RAB11FIP5: variants seen among roughly 807,000 people sequenced by gnomAD.
RAB11FIP5 encodes the protein RAB11 family interacting protein 5.
In RAB11FIP5, 48 loss-of-function variants were observed where a neutral mutation model predicts 85.1. That is an observed-to-expected ratio of 0.56 (90% CI 0.45 to 0.72). The LOEUF (loss-of-function observed/expected upper bound fraction) is 0.72, where lower values mean the gene tolerates loss of function less well. Among genes scored for constraint, RAB11FIP5 ranks in the 30% least tolerant of loss-of-function variants. RAB11FIP5 has a pLI of 0.00. For synonymous variants in RAB11FIP5, 729 were observed against 727.3 expected (o/e 1.00, Z -0.04); for missense variants, 1,491 against 1,687.0 (o/e 0.88, Z 2.04).
At chr2:73,103,848 G>T (rs1021027711) in intron 1 of RAB11FIP5, among the ~76,000 whole-genome samples, 9 of 152,264 alleles carry the variant, frequency 5.9e-5, no homozygotes, top group African/African-American at 2.2e-4. Flanking sequence ...TCTCTCAGGG[G>T]ATCTCTGGCA....
intron 1 of RAB11FIP5, among the ~76,000 whole-genome samples, chr2:73,091,000 A>G (rs1056840244): frequency 3.9e-5 from 6 of 152,156 alleles, no homozygotes; most frequent in African/African-American, 1.4e-4. Flanking sequence ...GTAGATGGGA[A>G]CTCTCTATAC....
At position 73,073,420 on chromosome 2, in the gene RAB11FIP5, AAACATGAAG is replaced by A. The variant is rs1393219457; in HGVS notation, c.*2092_*2100del. ...TGTTTTATTCTTCATAAAGTGCTTA[AAACATGAAG>A]AACAAGCTCTTTATAAAGAGCCTTA... On this transcript the variant is annotated 3_prime_UTR_variant, in exon 6 of 6. Coordinates refer to ENST00000486777, the MANE Select transcript of RAB11FIP5 (RefSeq NM_001371272.1). The A allele has an allele frequency of 1.3e-5, 2 of 152,696 alleles. No individual in the cohort carries two copies. Among genetic ancestry groups the A allele is most frequent in the African/African-American group, 4.8e-5 (2 of 41,448 alleles). The allele number at this position is 152,696 out of a possible 1,614,324, so 9.5% of individuals were successfully genotyped here.
chr2:73,084,403 C>G (rs1684055126), intron 3 of RAB11FIP5: 1 of 152,276 alleles, frequency 6.6e-6, no homozygotes, highest in East Asian at 1.9e-4. Flanking sequence ...CAAATAAACA[C>G]CTCTGCATCC....
At chr2:73,100,572 T>G (rs1007729649) in intron 1 of RAB11FIP5, among the ~76,000 whole-genome samples, 1 of 151,822 alleles carries the variant, frequency 6.6e-6, no homozygotes, top group African/African-American at 2.4e-5. Flanking sequence ...ATTAAAGGCA[T>G]GTGCTACCAC....
At chr2:73,098,366 CA>C (rs1684363833) in intron 1 of RAB11FIP5, among the ~76,000 whole-genome samples, 1 of 152,196 alleles carries the variant, frequency 6.6e-6, no homozygotes, top group African/African-American at 2.4e-5. Context: ...TTCCAAAATC[CA>C]AACTCCAAAA....
Position 73,081,453 on chromosome 2 carries a change from C to A in RAB11FIP5, c.1779G>T (p.Leu593Phe), listed in dbSNP as rs1169888811. 3.9e-5 allele frequency: 48 copies of A among 1,233,560 alleles called. No homozygotes were observed. The highest frequency in any genetic ancestry group is 4.8e-5 in the Non-Finnish European group (47 of 988,852). The allele number at this position is 1,233,560 out of a possible 1,614,324, so 76.4% of individuals were successfully genotyped here. ...AGGTGAGGAACGGGTTGGTAAGACC[C>A]AATAATCCAGGTGGGGTGGCTTCAG... ...AAPEATPPGLLGLTNPFLTSL... is the reference protein window; with the variant it reads ...AAPEATPPGLFGLTNPFLTSL... Residue 593 changes from leucine to phenylalanine, a missense_variant, in exon 4 of 6, where the codon TTG (leucine) becomes TTT (phenylalanine). Physicochemically the swap from Leu to Phe is conservative, Grantham distance 22. Coordinates refer to ENST00000486777, the MANE Select transcript of RAB11FIP5 (RefSeq NM_001371272.1). This position sits in a 1 kb window ranked among gnomAD's most constrained non-coding sequence, Gnocchi z 4.2.
In RAB11FIP5 at chr2:73,081,597, G is replaced by A. The variant is rs934260185; in HGVS notation, c.1635C>T (p.Pro545=). The A allele has an allele frequency of 4.9e-6, 6 of 1,214,874 alleles. No individual in the cohort carries two copies. In the African/African-American group the frequency reaches 9.4e-5, roughly 19 times the overall value. 75.3% of individuals were successfully genotyped at this position (1,214,874 alleles called of 1,614,324 possible). The part of the protein sequence containing the change: ...AALPHHLPCS[P]WAPAPPTPAP... ...CAGGAGTGGGAGGGGCCGGAGCCCAGGGGGAGCAGGGGAGGTGGTGAGGAA... is the reference window on the plus strand; with the variant it reads ...CAGGAGTGGGAGGGGCCGGAGCCCAAGGGGAGCAGGGGAGGTGGTGAGGAA... Residue 545 remains proline (P), a synonymous_variant, in exon 4 of 6, where the codon CCC becomes CCT. Transcript: ENST00000486777. The surrounding 1 kb of genome is among the most constrained non-coding windows in gnomAD (Gnocchi z 4.2).
chr2:73,097,151 C>T (rs1684334686), intron 1 of RAB11FIP5, among the ~76,000 whole-genome samples: 1 of 152,196 alleles, frequency 6.6e-6, no homozygotes, highest in Non-Finnish European at 1.5e-5. Context: ...GATTCTCCTG[C>T]CTCAGCCACC....
intron 2 of RAB11FIP5, 49 bp downstream of exon 2, chr2:73,088,830 G>C (rs1300537479): frequency 6.5e-7 from 1 of 1,537,692 alleles, no homozygotes; most frequent in Non-Finnish European, 8.7e-7. Flanking sequence ...CCACCCAAGG[G>C]GAGAGCCAGT....
intron 3 of RAB11FIP5, among the ~76,000 whole-genome samples, chr2:73,083,026 TG>T (rs2106105705): frequency 6.6e-6 from 1 of 152,354 alleles, no homozygotes; most frequent in South Asian, 2.1e-4. Context: ...CCTTGGCTCC[TG>T]CCTGTCCAGG....
At chr2:73,099,948 T>C (rs1684396937) in intron 1 of RAB11FIP5, among the ~76,000 whole-genome samples, 1 of 152,192 alleles carries the variant, frequency 6.6e-6, no homozygotes, top group Non-Finnish European at 1.5e-5. Context: ...GTTGTAGGAA[T>C]CAAGCCCCAT....
intron 1 of RAB11FIP5, among the ~76,000 whole-genome samples, chr2:73,109,363 A>G (rs921871255): frequency 6.6e-6 from 1 of 152,178 alleles, no homozygotes; most frequent in Non-Finnish European, 1.5e-5. Flanking sequence ...CACCACGCTA[A>G]TATTTTGAGA....
chr2:73,102,017 T>C (rs548938946), intron 1 of RAB11FIP5, among the ~76,000 whole-genome samples: 2 of 152,096 alleles, frequency 1.3e-5, no homozygotes, highest in South Asian at 4.2e-4. Flanking sequence ...AATGCACAAA[T>C]GAAGCACACG....
At position 73,089,264 on chromosome 2, in the gene RAB11FIP5, C is replaced by T. The variant is rs758562737; in HGVS notation, c.483G>A (p.Glu161=). The T allele has an allele frequency of 1.2e-6, 2 of 1,614,176 alleles. No individual in the cohort carries two copies. ...KPGKKEKERG[E]IEVTIQFTRN... The stretch of plus-strand genomic sequence containing the variant: ...GCGTGAACTGGATGGTGACTTCAAT[C>T]TCGCCGCGTTCCTTCTCCTTCTTGC... Residue 161 remains glutamate, a synonymous_variant, in exon 2 of 6, where the codon GAG becomes GAA. Coordinates refer to ENST00000486777, the MANE Select transcript of RAB11FIP5 (RefSeq NM_001371272.1). This position sits in a 1 kb window ranked among gnomAD's most constrained non-coding sequence, Gnocchi z 4.6.
chr2:73,092,221 G>A (rs994564933), intron 1 of RAB11FIP5, among the ~76,000 whole-genome samples: 2 of 152,192 alleles, frequency 1.3e-5, no homozygotes, highest in South Asian at 2.1e-4. Flanking sequence ...AAAGAGAAGG[G>A]TATGGACTCC....
At chr2:73,095,826 C>CTACA (rs1684307248) in intron 1 of RAB11FIP5, among the ~76,000 whole-genome samples, 1 of 152,204 alleles carries the variant, frequency 6.6e-6, no homozygotes, top group Non-Finnish European at 1.5e-5. Flanking sequence ...AAAGGCCTGG[C>CTACA]TACACATCAC....
rs1683897563 is a variant in RAB11FIP5, at chr2:73,078,053, A to C, written c.3581+1598T>G. Among the ~76,000 whole-genome samples, 1 of 152,230 alleles carries C rather than the reference A, an allele frequency of 6.6e-6. No individual in the cohort carries two copies. Among genetic ancestry groups the C allele is most frequent in the Non-Finnish European group, 1.5e-5 (1 of 68,036 alleles). On this transcript the variant is annotated intron_variant, in intron 4 of 5. Coordinates refer to ENST00000486777, the MANE Select transcript of RAB11FIP5 (RefSeq NM_001371272.1). This position sits in a 1 kb window ranked among gnomAD's most constrained non-coding sequence, Gnocchi z 4.4. ...TCTGGGCAGACAGTATGGAGAAAGA[A>C]TGCATCTCAGTCCTTTCCTGACACC...
intron 1 of RAB11FIP5, among the ~76,000 whole-genome samples, chr2:73,090,824 T>A (rs959871293): frequency 1.3e-5 from 2 of 152,234 alleles, no homozygotes; most frequent in African/African-American, 2.4e-5. Context: ...ATGGTGGACA[T>A]GCATTGTTAT....
chr2:73,103,257 A>AG (rs1314698114), intron 1 of RAB11FIP5, among the ~76,000 whole-genome samples: 1 of 152,132 alleles, frequency 6.6e-6, no homozygotes, highest in Non-Finnish European at 1.5e-5. Flanking sequence ...CAACCTTTGG[A>AG]GGGAGCCCAG....
Sources: allele counts gnomAD v4.1 joint callset (sites outside exome capture counted in the v4.1 genomes callset), GRCh38; gene constraint gnomAD v4.1.1; non-coding constraint Gnocchi (gnomAD v3.1); transcripts MANE v1.5; gene names NCBI Gene and HGNC (gene_info 2026-07-23, HGNC 2026-07-21).